Variants in AMBRA1 observed in about 807,000 individuals in gnomAD.
AMBRA1 encodes activating molecule in BECN1-regulated autophagy protein 1.
In AMBRA1, 47 loss-of-function variants were observed where a neutral mutation model predicts 125.4. The ratio of observed to expected loss-of-function variants is 0.37; its 90% CI spans 0.30 to 0.48. The LOEUF (loss-of-function observed/expected upper bound fraction) is 0.48, where lower values mean the gene tolerates loss of function less well. Ranked by LOEUF, AMBRA1 falls within the 20% of genes least tolerant of loss-of-function variation. The pLI is 0.99. For missense variants in AMBRA1, 1,331 were observed against 1,693.4 expected, an observed-to-expected ratio of 0.79 and a Z score of 3.76; for synonymous variants, 626 against 655.5, an observed-to-expected ratio of 0.95 and a Z score of 0.69.
chr11:46,432,938 A>G (rs2136706291), intron 14 of AMBRA1, among the ~76,000 whole-genome samples: 1 of 152,310 alleles, frequency 6.6e-6, no homozygotes, highest in South Asian at 2.1e-4. Context: ...CTTTTATGGC[A>G]ATATAAGAGA....
chr11:46,441,150 G>A (rs1947981417), intron 12 of AMBRA1, among the ~76,000 whole-genome samples: 1 of 152,126 alleles, frequency 6.6e-6, no homozygotes, highest in South Asian at 2.1e-4. Flanking sequence ...ATGATGAGAG[G>A]CAGGAAAAAG....
chr11:46,565,498 A>G (rs563333876), intron 1 of AMBRA1, among the ~76,000 whole-genome samples: 41 of 151,950 alleles, frequency 2.7e-4, no homozygotes, highest in African/African-American at 8.7e-4. Context: ...CTTGAGCCCA[A>G]GAGTTCAAGA....
chr11:46,483,884 T>C (rs1407124498), intron 11 of AMBRA1, among the ~76,000 whole-genome samples: 1 of 152,022 alleles, frequency 6.6e-6, no homozygotes, highest in East Asian at 1.9e-4. Flanking sequence ...AGTGAGACTC[T>C]GTCTCGAAAA....
intron 9 of AMBRA1, among the ~76,000 whole-genome samples, chr11:46,497,043 G>A (rs904863651): frequency 2.0e-5 from 3 of 151,864 alleles, no homozygotes; most frequent in Admixed American, 6.6e-5. Flanking sequence ...ACCAGGAGGC[G>A]GAGGTTGCAG....
chr11:46,584,595 C>T (rs1027976340), intron 1 of AMBRA1, among the ~76,000 whole-genome samples: 10 of 151,700 alleles, frequency 6.6e-5, no homozygotes, highest in Non-Finnish European at 1.0e-4. Flanking sequence ...GCTATAATCA[C>T]TAGAAAGAAT....
intron 11 of AMBRA1, among the ~76,000 whole-genome samples, chr11:46,463,413 T>A (rs1949185152): frequency 6.6e-6 from 1 of 152,210 alleles, no homozygotes; most frequent in Admixed American, 6.5e-5. Flanking sequence ...GTAGAAGGTA[T>A]GCAGTAACTC....
chr11:46,443,354 A>T, intron 12 of AMBRA1, 134 bp downstream of exon 12: 6 of 661,742 alleles, frequency 9.1e-6, no homozygotes, highest in Non-Finnish European at 1.6e-5. Flanking sequence ...GTTACAGAAG[A>T]GGTGCAGAAA....
In AMBRA1 at chr11:46,593,737, G is replaced by A. The variant is rs567403812; in HGVS notation, c.-121+91C>T. 2.7e-4 allele frequency: 103 copies of A among 385,458 alleles called. 1 individual carries two copies. The South Asian group carries it at 5.1e-3, about 19-fold the overall frequency. The allele number at this position is 385,458 out of a possible 1,614,324, so 23.9% of individuals were successfully genotyped here. ...TCCTCTGGCAGTGTCACGGCGGCCGGCCAGCCTGCCCACCCGCCGGCGCCA... is the reference window on the plus strand; with the variant it reads ...TCCTCTGGCAGTGTCACGGCGGCCGACCAGCCTGCCCACCCGCCGGCGCCA... On this transcript the variant is annotated intron_variant, in intron 1 of 17. Transcript: ENST00000683756.
At chr11:46,515,412 G>A (rs1415255142) in intron 7 of AMBRA1, among the ~76,000 whole-genome samples, 3 of 152,184 alleles carry the variant, frequency 2.0e-5, no homozygotes, top group African/African-American at 7.2e-5. Context: ...GGCAGAGGTT[G>A]CAGTGAGCTG....
chr11:46,493,863 T>C, intron 10 of AMBRA1, 155 bp from the exon 11 acceptor site: 1 of 665,482 alleles, frequency 1.5e-6, no homozygotes, highest in Non-Finnish European at 2.5e-6. Context: ...TCCGCAGATT[T>C]GTATCTATCT....
chr11:46,494,400 T>C (rs1266136436), intron 9 of AMBRA1, among the ~76,000 whole-genome samples, 196 bp from the exon 10 acceptor site: 1 of 152,220 alleles, frequency 6.6e-6, no homozygotes, highest in Non-Finnish European at 1.5e-5. Context: ...AAGAGATTTA[T>C]GAGCATTTAC....
At chr11:46,407,647 G>A (rs1359008334) in intron 17 of AMBRA1, among the ~76,000 whole-genome samples, 1 of 152,230 alleles carries the variant, frequency 6.6e-6, no homozygotes, top group South Asian at 2.1e-4. Flanking sequence ...TCATGGCATC[G>A]CAAGCGACCA....
intron 11 of AMBRA1, chr11:46,451,985 TG>T: frequency 6.6e-6 from 1 of 152,000 alleles, no homozygotes. Flanking sequence ...CTGATGTGTA[TG>T]GGGTTTTTTA....
At chr11:46,554,967 G>GCAC (rs2043120943) in intron 1 of AMBRA1, among the ~76,000 whole-genome samples, 2 of 152,112 alleles carry the variant, frequency 1.3e-5, no homozygotes, top group Admixed American at 1.3e-4. Context: ...GGCATGGTGG[G>GCAC]AGGCCAAGGT....
At chr11:46,492,158 G>C (rs889403421) in intron 11 of AMBRA1, among the ~76,000 whole-genome samples, 4 of 152,196 alleles carry the variant, frequency 2.6e-5, no homozygotes, top group Non-Finnish European at 4.4e-5. Context: ...TAGGGCCAGA[G>C]CCTCCTCAGA....
intron 1 of AMBRA1, among the ~76,000 whole-genome samples, chr11:46,575,926 G>A (rs971043856): frequency 4.6e-5 from 7 of 152,102 alleles, no homozygotes; most frequent in African/African-American, 1.2e-4. Flanking sequence ...ATCCATTGCC[G>A]TGGTCTATTA....
chr11:46,558,955 G>A (rs2043243369), intron 1 of AMBRA1, among the ~76,000 whole-genome samples: 1 of 152,098 alleles, frequency 6.6e-6, no homozygotes, highest in Non-Finnish European at 1.5e-5. Context: ...AAAGTGTGGT[G>A]GTTATGAGTT....
intron 12 of AMBRA1, among the ~76,000 whole-genome samples, chr11:46,441,970 C>CTTTT (rs764444865): frequency 4.3e-5 from 5 of 116,622 alleles, no homozygotes; most frequent in Admixed American, 8.6e-5. Context: ...AAAAAAAAAA[C>CTTTT]TTTTTTTTTT....
At chr11:46,582,016 C>T (rs1421838604) in intron 1 of AMBRA1, among the ~76,000 whole-genome samples, 1 of 149,874 alleles carries the variant, frequency 6.7e-6, no homozygotes, top group Non-Finnish European at 1.5e-5. Context: ...CTTGGGAAGC[C>T]GAGGTGGGAG....
Sources: gnomAD v4.1 joint callset for allele counts (sites outside exome capture counted in the v4.1 genomes callset) on GRCh38, gnomAD v4.1.1 for gene constraint, MANE v1.5 for transcripts, NCBI Gene and HGNC (gene_info 2026-07-23, HGNC 2026-07-21) for gene names.